FDFT1: variants seen among roughly 807,000 people sequenced by gnomAD.
FDFT1 encodes the protein squalene synthase.
In FDFT1, 68 loss-of-function variants were observed where a neutral mutation model predicts 46.8. The observed-to-expected ratio is 1.45, with a 90% confidence interval of 1.19 to 1.78. FDFT1 has a LOEUF of 1.78. Among genes scored for constraint, FDFT1 ranks in the 40% most tolerant of loss-of-function variants. FDFT1 has a pLI of 0.00. For synonymous variants in FDFT1, 351 were observed against 185.1 expected, an observed-to-expected ratio of 1.90 and a Z score of -7.28; for missense variants, 928 against 524.4, an observed-to-expected ratio of 1.77 and a Z score of -7.52.
At chr8:11,818,957 T>C (rs903844334) in intron 3 of FDFT1, among the ~76,000 whole-genome samples, 1 of 152,242 alleles carries the variant, frequency 6.6e-6, no homozygotes. Flanking sequence ...TCGATGGTCT[T>C]TACAATTTGG....
Position 11,821,986 on chromosome 8 carries a change from G to C in FDFT1, c.510+108G>C, listed in dbSNP as rs978965610. 1.1e-5 allele frequency: 14 copies of C among 1,322,014 alleles called. No individual in the cohort carries two copies. In the African/African-American group the frequency reaches 1.9e-4, roughly 18 times the overall value. 81.9% of individuals were successfully genotyped at this position (1,322,014 alleles called of 1,614,324 possible). A position where few individuals can be genotyped will look rare whatever the true frequency, so the allele number is the denominator to read the frequency against. On this transcript the variant is annotated intron_variant, in intron 4 of 7. Transcript: ENST00000220584. The stretch of plus-strand genomic sequence containing the variant: ...TTGTCCAGTATTTTCAGCCCCTCTG[G>C]TTTTACAATTCATCTGTTTAGGTTG...
intron 1 of FDFT1, 22 bp from the exon 2 acceptor site, chr8:11,808,772 C>T (rs369152883): frequency 1.6e-5 from 25 of 1,612,170 alleles, no homozygotes; most frequent in Admixed American, 5.0e-5. Flanking sequence ...CTCCCACCGC[C>T]GTGTGTGTTG....
chr8:11,822,201 G>T (rs56693888), intron 4 of FDFT1, among the ~76,000 whole-genome samples: 2,987 of 152,290 alleles, frequency 0.02, 99 homozygotes, highest in African/African-American at 0.069. Flanking sequence ...ATTTTTCATA[G>T]GAATGGTGTT....
intron 3 of FDFT1, among the ~76,000 whole-genome samples, chr8:11,819,472 C>T (rs1465740593): frequency 2.0e-5 from 3 of 152,174 alleles, no homozygotes; most frequent in Non-Finnish European, 4.4e-5. Flanking sequence ...CTGTCTATCA[C>T]TTTCAGGTAC....
intron 5 of FDFT1, among the ~76,000 whole-genome samples, chr8:11,827,689 G>C (rs993156445): frequency 3.3e-5 from 5 of 152,118 alleles, no homozygotes; most frequent in Non-Finnish European, 7.3e-5. Flanking sequence ...GAGACACACA[G>C]ATGATTATTA....
intron 3 of FDFT1, among the ~76,000 whole-genome samples, chr8:11,820,486 G>T (rs1809076864): frequency 1.2e-5 from 1 of 84,044 alleles, no homozygotes; most frequent in African/African-American, 4.0e-5. Flanking sequence ...AGGCCTTGCT[G>T]AGCTGCGGTG....
At chr8:11,809,022 C>G in intron 2 of FDFT1, 131 bp downstream of exon 2, 1 of 1,409,686 alleles carries the variant, frequency 7.1e-7, no homozygotes, top group Non-Finnish European at 9.5e-7. Context: ...AGAACATAGC[C>G]CGGCCCTACG....
intron 3 of FDFT1, among the ~76,000 whole-genome samples, chr8:11,814,068 G>C (rs1808106084): frequency 6.6e-6 from 1 of 152,208 alleles, no homozygotes; most frequent in Non-Finnish European, 1.5e-5. Flanking sequence ...AGGAGTCTAA[G>C]CTCCTTCCCA....
intron 3 of FDFT1, among the ~76,000 whole-genome samples, chr8:11,812,756 C>T (rs548173354): frequency 2.6e-5 from 4 of 152,298 alleles, no homozygotes; most frequent in South Asian, 2.1e-4. Flanking sequence ...TGTTCTAACC[C>T]AGTGACTTCC....
At position 11,806,778 on chromosome 8, in the gene FDFT1, C is replaced by G. The variant is rs541685124; in HGVS notation, c.100-2016C>G. Among the ~76,000 whole-genome samples the G allele has an allele frequency of 2.0e-5, 3 of 152,202 alleles. No homozygotes were observed. The East Asian group carries it at 5.8e-4, about 29-fold the overall frequency. ...TCTTTCACTCTGAAATCCTGCCTCT[C>G]GATATTTTGAGAAGGAAGGAGTTGG... On this transcript the variant is annotated intron_variant, in intron 1 of 7. Coordinates refer to ENST00000220584, the MANE Select transcript of FDFT1 (RefSeq NM_004462.5).
chr8:11,835,013 A>T (rs994939238), intron 7 of FDFT1, among the ~76,000 whole-genome samples: 1 of 152,180 alleles, frequency 6.6e-6, no homozygotes, highest in East Asian at 1.9e-4. Context: ...CATCCCAGCT[A>T]TTCCGGAGCC....
chr8:11,837,764 T>G (rs531855674), intron 7 of FDFT1, among the ~76,000 whole-genome samples: 2 of 151,774 alleles, frequency 1.3e-5, no homozygotes, highest in African/African-American at 4.9e-5. Flanking sequence ...AGACTCACGT[T>G]GGAGACTGAG....
At chr8:11,801,710 T>TTGG, upstream of FDFT1, 1 of 251,304 alleles carries the variant, frequency 4.0e-6, no homozygotes, top group South Asian at 3.4e-5. Context: ...TTTTTTTTTT[T>TTGG]GGAGACGTAG....
intron 1 of FDFT1, among the ~76,000 whole-genome samples, chr8:11,806,034 C>G (rs537750032): frequency 5.9e-5 from 9 of 152,164 alleles, no homozygotes; most frequent in Non-Finnish European, 5.9e-5. Flanking sequence ...TTTTTTTCCC[C>G]TCCTGGAGAA....
At chr8:11,808,122 C>T (rs1388170383) in intron 1 of FDFT1, 4 of 392,242 alleles carry the variant, frequency 1.0e-5, no homozygotes, top group Admixed American at 1.3e-4. Context: ...GGATTCTGGT[C>T]AAATCAATTT....
upstream of FDFT1, among the ~76,000 whole-genome samples, chr8:11,797,555 A>G (rs1035500126): frequency 8.1e-5 from 12 of 149,038 alleles, no homozygotes; most frequent in African/African-American, 3.0e-4. Flanking sequence ...GCTACTAGGG[A>G]AGCTGAGATG....
chr8:11,799,530 A>G (rs56043655), upstream of FDFT1, among the ~76,000 whole-genome samples: 7,945 of 152,206 alleles, frequency 0.052, 299 homozygotes, highest in Middle Eastern at 0.078. Context: ...TAGTCTTATG[A>G]TCTCTGTTTT....
At chr8:11,799,767 G>A (rs977230831), upstream of FDFT1, among the ~76,000 whole-genome samples, 1 of 152,036 alleles carries the variant, frequency 6.6e-6, no homozygotes, top group Admixed American at 6.5e-5. Flanking sequence ...CCAACATGGT[G>A]AAACCCTGTC....
At chr8:11,817,216 AGCCG>A (rs1160994568) in intron 3 of FDFT1, among the ~76,000 whole-genome samples, 2 of 152,212 alleles carry the variant, frequency 1.3e-5, no homozygotes, top group Non-Finnish European at 2.9e-5. Context: ...CCAGGGATGA[AGCCG>A]ACTTGATCGT....
Sources: allele counts gnomAD v4.1 joint callset (sites outside exome capture counted in the v4.1 genomes callset), GRCh38; gene constraint gnomAD v4.1.1; transcripts MANE v1.5; gene names NCBI Gene and HGNC (gene_info 2026-07-23, HGNC 2026-07-21).